The following HK1 variants were observed in gnomAD, a reference collection of about 807,000 sequenced individuals.
HK1 encodes the protein hexokinase-1.
Under a neutral mutation model 91.6 loss-of-function variants are expected in HK1, and 28 were observed. That is an observed-to-expected ratio of 0.31 (90% CI 0.23 to 0.42). The LOEUF is 0.42. Among genes scored for constraint, HK1 ranks in the 10% least tolerant of loss-of-function variants. The pLI is 1.00. For missense variants in HK1, 770 were observed against 1,219.8 expected (o/e 0.63, Z 5.49); for synonymous variants, 430 against 468.1 (o/e 0.92, Z 1.05).
intron 3 of HK1, among the ~76,000 whole-genome samples, chr10:69,295,004 T>C (rs1845484789): frequency 8.8e-6 from 1 of 113,976 alleles, no homozygotes; most frequent in South Asian, 3.3e-4. Flanking sequence ...ACTCCAAGCC[T>C]GGGCAACAGA....
intron 9 of HK1, among the ~76,000 whole-genome samples, chr10:69,381,213 G>A (rs1258866819): frequency 6.6e-6 from 1 of 152,078 alleles, no homozygotes; most frequent in Non-Finnish European, 1.5e-5. Flanking sequence ...ACTTGAGCAT[G>A]GGGGTGCAGA....
chr10:69,300,047 G>C (rs935878141), intron 4 of HK1, among the ~76,000 whole-genome samples: 20 of 151,054 alleles, frequency 1.3e-4, no homozygotes, highest in Admixed American at 9.9e-4. Flanking sequence ...CAATCCACCT[G>C]CCTCAGCCTC....
intron 2 of HK1, 39 bp from the exon 3 acceptor site, chr10:69,359,858 A>G (rs769977147): frequency 1.2e-6 from 2 of 1,608,666 alleles, no homozygotes; most frequent in Non-Finnish European, 1.7e-6. Context: ...TCCCCTTAAC[A>G]TTTGAATCTC....
chr10:69,320,632 G>C (rs895687834), intron 1 of HK1, among the ~76,000 whole-genome samples: 1 of 152,130 alleles, frequency 6.6e-6, no homozygotes, highest in Admixed American at 6.5e-5. Context: ...GAAGCCAAGA[G>C]TTCACTGTCC....
intron 1 of HK1, among the ~76,000 whole-genome samples, chr10:69,273,856 T>G (rs542185650): frequency 6.6e-6 from 1 of 152,360 alleles, no homozygotes; most frequent in Non-Finnish European, 1.5e-5. Flanking sequence ...CTAACTTTTC[T>G]TTTATTTTTC....
chr10:69,299,333 A>AT (rs1337471529), intron 4 of HK1, among the ~76,000 whole-genome samples: 2 of 149,030 alleles, frequency 1.3e-5, no homozygotes, highest in African/African-American at 2.5e-5. Flanking sequence ...CAGCCTGCCC[A>AT]TTTTTTTGTT....
At chr10:69,379,733 TC>T in intron 8 of HK1, 128 bp from the exon 9 acceptor site, 1 of 699,208 alleles carries the variant, frequency 1.4e-6, no homozygotes, top group Middle Eastern at 4.0e-4. Context: ...ACAGTCTTCA[TC>T]CCATACCATC....
chr10:69,388,440 C>CT lies in HK1; in HGVS notation c.1936-756dup, dbSNP rs1043855984. ...CCAGCCTGGGTGACAGAGCAAGACT[C>CT]TGTCTCTTAAATAAGAAAGGATACC... On this transcript the variant is annotated intron_variant, in intron 13 of 17. Coordinates refer to ENST00000359426, the MANE Select transcript of HK1 (RefSeq NM_000188.3). 2.7e-3 allele frequency among the ~76,000 whole-genome samples: 190 copies of CT among 71,504 alleles called. 1 individual carries two copies. Among genetic ancestry groups the CT allele is most frequent in the African/African-American group, 7.7e-3 (179 of 23,144 alleles). 46.9% of individuals were successfully genotyped at this position (71,504 alleles called of 152,430 possible).
intron 5 of HK1, among the ~76,000 whole-genome samples, chr10:69,307,465 T>G (rs1289010207): frequency 6.6e-6 from 1 of 152,168 alleles, no homozygotes. Flanking sequence ...CTTGGACCCC[T>G]TCACTGGACC....
chr10:69,271,808 A>G (rs1030568618), intron 1 of HK1, among the ~76,000 whole-genome samples: 1 of 151,858 alleles, frequency 6.6e-6, no homozygotes, highest in Non-Finnish European at 1.5e-5. Context: ...GAGTGTAAAC[A>G]CTACTTTGAG....
intron 12 of HK1, 59 bp from the exon 13 acceptor site, chr10:69,386,264 T>G: frequency 1.4e-6 from 2 of 1,399,318 alleles, no homozygotes; most frequent in Non-Finnish European, 1.0e-6. Flanking sequence ...GTTGGAATTT[T>G]GTGTTCTCCC....
rs147607640 is a variant in HK1, at chr10:69,343,039, C to T, written c.64-788C>T. Among the ~76,000 whole-genome samples, 19 of 152,220 alleles carry T rather than the reference C, an allele frequency of 1.2e-4. No individual in the cohort carries two copies. The East Asian group carries it at 2.1e-3, about 17-fold the overall frequency. Reference sequence around the variant, plus strand: ...GGTGAAGGGTGGGAGTAGTTTGACTCGGAGGTGCAGGGCCCATGGCCTGGC... The same window carrying T: ...GGTGAAGGGTGGGAGTAGTTTGACTTGGAGGTGCAGGGCCCATGGCCTGGC... On this transcript the variant is annotated intron_variant, in intron 1 of 17. Transcript: ENST00000359426.
chr10:69,386,241 C>A, intron 12 of HK1, 82 bp from the exon 13 acceptor site: 2 of 1,092,344 alleles, frequency 1.8e-6, no homozygotes, highest in South Asian at 1.3e-5. Flanking sequence ...CAGTTGTTGA[C>A]TCAGGAGGGA....
intron 8 of HK1, among the ~76,000 whole-genome samples, chr10:69,377,403 T>C (rs1306821258): frequency 6.9e-6 from 1 of 144,518 alleles, no homozygotes; most frequent in African/African-American, 2.6e-5. Flanking sequence ...CAGGGTAAGA[T>C]TAGCGTCCAG....
intron 1 of HK1, among the ~76,000 whole-genome samples, chr10:69,327,554 A>C (rs1181110227): frequency 6.6e-6 from 1 of 152,184 alleles, no homozygotes. Flanking sequence ...CATTCAGCGC[A>C]TGCACAAGTT....
upstream of HK1, chr10:69,318,045 T>C (rs1201098767): frequency 2.0e-6 from 2 of 985,280 alleles, no homozygotes; most frequent in Non-Finnish European, 2.4e-6. Flanking sequence ...GCCCAGAGGA[T>C]GGGGACAGGC....
At chr10:69,390,571 CA>C (rs978889149) in intron 14 of HK1, among the ~76,000 whole-genome samples, 1 of 152,178 alleles carries the variant, frequency 6.6e-6, no homozygotes, top group Non-Finnish European at 1.5e-5. Context: ...AAACAAAGAA[CA>C]AAAATCATCC....
At chr10:69,270,717 C>T (rs1281512310) in intron 1 of HK1, among the ~76,000 whole-genome samples, 1 of 152,184 alleles carries the variant, frequency 6.6e-6, no homozygotes, top group African/African-American at 2.4e-5. Flanking sequence ...CCCCATGTTG[C>T]TGCCTTTCCA....
rs144194132 is a variant in HK1 at position 69,386,063 on chromosome 10, G to A, written c.1840-260G>A. On this transcript the variant is annotated intron_variant, in intron 12 of 17. Coordinates refer to ENST00000359426, the MANE Select transcript of HK1 (RefSeq NM_000188.3). ...TCCAGTATTGAGTGCCGTCTTTGCC[G>A]TCTGCTGAGTGAACTTAGACATTGC... Among the ~76,000 whole-genome samples the A allele has an allele frequency of 7.7e-3, 1,172 of 152,160 alleles. 11 individuals are homozygous for A. The highest frequency in any genetic ancestry group is 0.012 in the Non-Finnish European group (848 of 68,014).
Sources: gnomAD v4.1 joint callset for allele counts (sites outside exome capture counted in the v4.1 genomes callset) on GRCh38, gnomAD v4.1.1 for gene constraint, MANE v1.5 for transcripts, NCBI Gene and HGNC (gene_info 2026-07-23, HGNC 2026-07-21) for gene names.